Variants in TBC1D2B observed in about 807,000 individuals in gnomAD.
TBC1D2B encodes the protein TBC1 domain family, member 2B.
A neutral mutation model predicts 100.8 loss-of-function variants in TBC1D2B; 64 were observed. The ratio of observed to expected loss-of-function variants is 0.64; its 90% CI spans 0.52 to 0.78. TBC1D2B has a LOEUF of 0.78. TBC1D2B is among the 30% of genes least tolerant of loss of function. TBC1D2B has a pLI of 0.00. For synonymous variants in TBC1D2B, 480 were observed against 479.7 expected, an observed-to-expected ratio of 1.00 and a Z score of -0.01; for missense variants, 1,052 against 1,218.4, an observed-to-expected ratio of 0.86 and a Z score of 2.03.
At chr15:77,999,313 G>A (rs963209564) in intron 12 of TBC1D2B, 9 of 454,856 alleles carry the variant, frequency 2.0e-5, no homozygotes, top group African/African-American at 4.0e-5. Flanking sequence ...TCCTGCTGCC[G>A]TCGGCTGCGT....
At chr15:78,041,812 G>A (rs1244249462) in intron 3 of TBC1D2B, among the ~76,000 whole-genome samples, 1 of 152,218 alleles carries the variant, frequency 6.6e-6, no homozygotes, top group Non-Finnish European at 1.5e-5. Context: ...TTTGTCATGA[G>A]CTGTGCCTCC....
chr15:78,033,529 G>A (rs117700392), intron 3 of TBC1D2B, among the ~76,000 whole-genome samples: 2,937 of 152,298 alleles, frequency 0.019, 43 homozygotes, highest in Non-Finnish European at 0.029. Flanking sequence ...GCAAAGGAAC[G>A]TGAAGGAATT....
intron 1 of TBC1D2B, among the ~76,000 whole-genome samples, chr15:78,059,525 A>G (rs2073499396): frequency 6.6e-6 from 1 of 152,198 alleles, no homozygotes; most frequent in South Asian, 2.1e-4. Flanking sequence ...CAGGACAGCC[A>G]TCTGCTGCCT....
chr15:78,065,900 G>T, intron 1 of TBC1D2B: 1 of 403,030 alleles, frequency 2.5e-6, no homozygotes, highest in South Asian at 1.7e-5. Context: ...GAATGTTTGG[G>T]AACCACGGTG....
intron 12 of TBC1D2B, chr15:77,999,281 C>G (rs985694198): frequency 1.3e-5 from 6 of 455,198 alleles, no homozygotes; most frequent in African/African-American, 1.0e-4. Context: ...CCTGCCTGTC[C>G]CCATCAGAGC....
intron 1 of TBC1D2B, among the ~76,000 whole-genome samples, chr15:78,058,691 G>A (rs2073479163): frequency 6.6e-6 from 1 of 152,198 alleles, no homozygotes. Flanking sequence ...CCCGCCGGAG[G>A]AGTGAGGACC....
Position 78,012,859 on chromosome 15 carries a change from C to T in TBC1D2B, c.2234G>A (p.Arg745Gln), listed in dbSNP as rs752480801. 1.3e-6 allele frequency: 2 copies of T among 1,515,222 alleles called. No individual in the cohort carries two copies. The highest frequency in any genetic ancestry group is 8.8e-7 in the Non-Finnish European group (1 of 1,132,478). 93.9% of individuals were successfully genotyped at this position (1,515,222 alleles called of 1,614,324 possible). Reference protein sequence around the residue: ...LRNVLLAFSWRNPDIGYCQGL... With the variant: ...LRNVLLAFSWQNPDIGYCQGL... ...TTGACAGTAGCCGATATCTGGATTC[C>T]GCCAGGAGAAGGCGAGGAGGACATT... Residue 745 changes from arginine to glutamine, a missense_variant, in exon 9 of 13, where the codon CGG (arginine) becomes CAG (glutamine). Arg to Gln is a conservative substitution (Grantham distance 43, BLOSUM62 1). This residue lies in a region of TBC1D2B where 373 missense variants were observed against 464.9 expected (regional missense o/e 0.80). Coordinates refer to ENST00000300584, the MANE Select transcript of TBC1D2B (RefSeq NM_144572.2).
At chr15:78,008,026 G>A (rs2072113635) in intron 10 of TBC1D2B, among the ~76,000 whole-genome samples, 1 of 152,262 alleles carries the variant, frequency 6.6e-6, no homozygotes, top group East Asian at 1.9e-4. Flanking sequence ...CACAGACCTG[G>A]AGAAGAGACA....
At chr15:78,035,185 CA>C (rs2072916915) in intron 3 of TBC1D2B, among the ~76,000 whole-genome samples, 3 of 152,324 alleles carry the variant, frequency 2.0e-5, no homozygotes, top group East Asian at 1.9e-4. Context: ...AGCACCTTGT[CA>C]GGGGCAGTGG....
rs202077411 is a variant in TBC1D2B at position 77,997,027 on chromosome 15, G to GCTTCCTGGCAGAGAACAAGGATGC, written c.*1132_*1133insGCATCCTTGTTCTCTGCCAGGAAG. The GCTTCCTGGCAGAGAACAAGGATGC allele has an allele frequency of 6.6e-6, 1 of 151,948 alleles. No individual in the cohort carries two copies. Among genetic ancestry groups the GCTTCCTGGCAGAGAACAAGGATGC allele is most frequent in the Non-Finnish European group, 1.5e-5 (1 of 68,044 alleles). The allele number at this position is 151,948 out of a possible 1,614,324, so 9.4% of individuals were successfully genotyped here. A position where few individuals can be genotyped will look rare whatever the true frequency, so the allele number is the denominator to read the frequency against. On this transcript the variant is annotated 3_prime_UTR_variant, in exon 13 of 13. Coordinates refer to ENST00000300584, the MANE Select transcript of TBC1D2B (RefSeq NM_144572.2). ...CTGCATCCTGGCAGAGAACAAGGAT[G>GCTTCCTGGCAGAGAACAAGGATGC]TTCCAGGCAGTGGTGGGGTGGGCAC...
At chr15:78,018,177 T>C (rs193085181) in intron 6 of TBC1D2B, among the ~76,000 whole-genome samples, 204 of 152,348 alleles carry the variant, frequency 1.3e-3, no homozygotes, top group African/African-American at 4.6e-3. Flanking sequence ...GTAACGGAGA[T>C]GGAGAAGATA....
At chr15:78,002,196 T>G (rs964651932) in intron 11 of TBC1D2B, among the ~76,000 whole-genome samples, 21 of 152,310 alleles carry the variant, frequency 1.4e-4, no homozygotes, top group African/African-American at 4.3e-4. Flanking sequence ...ATTTTATTTT[T>G]ATTTTTGAGA....
intron 6 of TBC1D2B, among the ~76,000 whole-genome samples, chr15:78,023,091 C>T (rs189002012): frequency 1.4e-4 from 21 of 152,312 alleles, no homozygotes; most frequent in African/African-American, 4.6e-4. Flanking sequence ...CATTCCCTCA[C>T]TCAATGCATC....
intron 10 of TBC1D2B, among the ~76,000 whole-genome samples, chr15:78,006,042 C>T (rs1441712903): frequency 6.6e-6 from 1 of 152,078 alleles, no homozygotes; most frequent in African/African-American, 2.4e-5. Flanking sequence ...GTATTACTCT[C>T]ATCTTACATA....
intron 3 of TBC1D2B, among the ~76,000 whole-genome samples, chr15:78,031,293 C>T (rs1323490597): frequency 6.6e-6 from 1 of 152,046 alleles, no homozygotes; most frequent in Admixed American, 6.5e-5. Context: ...ATGGCTAATG[C>T]CTGTAATCCC....
intron 2 of TBC1D2B, among the ~76,000 whole-genome samples, chr15:78,050,626 T>C (rs566224601): frequency 6.6e-6 from 1 of 152,310 alleles, no homozygotes; most frequent in South Asian, 2.1e-4. Context: ...CTCTTTTATG[T>C]TGAAACTAGG....
chr15:78,011,048 T>C (rs966254270), intron 9 of TBC1D2B, among the ~76,000 whole-genome samples: 17 of 152,166 alleles, frequency 1.1e-4, no homozygotes, highest in African/African-American at 3.9e-4. Flanking sequence ...AGATTGAGTA[T>C]GCAATGTGAA....
At chr15:78,065,086 T>C (rs1432624458) in intron 1 of TBC1D2B, among the ~76,000 whole-genome samples, 1 of 152,234 alleles carries the variant, frequency 6.6e-6, no homozygotes, top group African/African-American at 2.4e-5. Context: ...AGTCATTCCC[T>C]GGGAAGATGC....
chr15:78,009,029 C>A lies in TBC1D2B; in HGVS notation c.2356G>T (p.Asp786Tyr). 6.2e-7 allele frequency: 1 copy of A among 1,604,474 alleles called. No individual in the cohort carries two copies. The highest frequency in any genetic ancestry group is 2.2e-5 in the East Asian group (1 of 44,686). ...VTIVEVFMPR[D>Y]YYTKTLLGSQ... is the part of the protein sequence containing the mutation. ...CCTAAAAGAGTCTTTGTATAATAGT[C>A]TCGAGGCATGAAAACTTCCACTATG... is the stretch of plus-strand genomic sequence containing the variant. The change falls in exon 10 of 13, where the codon GAC (aspartate) becomes TAC (tyrosine). Residue 786 changes from aspartate to tyrosine, a missense_variant. Around this residue, in one of 4 missense-constraint regions of TBC1D2B, gnomAD observed 373 missense variants for 464.9 expected, o/e 0.80. Transcript: ENST00000300584.
Sources: gnomAD v4.1 joint callset for allele counts (sites outside exome capture counted in the v4.1 genomes callset) on GRCh38, gnomAD v4.1.1 for gene constraint, gnomAD v4.1.1 regional missense constraint, MANE v1.5 for transcripts, NCBI Gene and HGNC (gene_info 2026-07-23, HGNC 2026-07-21) for gene names.